Variants in LTBP1 observed in about 807,000 individuals in gnomAD.
The protein encoded by LTBP1 is latent-transforming growth factor beta-binding protein 1.
A neutral mutation model predicts 207.6 loss-of-function variants in LTBP1; 129 were observed. The observed-to-expected ratio is 0.62, with a 90% CI of 0.54 to 0.72. The LOEUF (loss-of-function observed/expected upper bound fraction) is 0.72. LTBP1 is among the 30% of genes least tolerant of loss of function. The pLI is 0.00. For synonymous variants in LTBP1, 963 were observed against 833.7 expected (o/e 1.16, Z -2.67); for missense variants, 2,281 against 2,217.2 (o/e 1.03, Z -0.58).
intron 5 of LTBP1, among the ~76,000 whole-genome samples, chr2:33,153,113 A>G (rs1020698610): frequency 6.6e-6 from 1 of 152,140 alleles, no homozygotes; most frequent in African/African-American, 2.4e-5. Flanking sequence ...CTCTGAAAAT[A>G]TTTACTGTGC....
chr2:33,135,551 T>C (rs1003592446), intron 5 of LTBP1, among the ~76,000 whole-genome samples: 1 of 148,686 alleles, frequency 6.7e-6, no homozygotes, highest in African/African-American at 2.4e-5. Flanking sequence ...GACTGGTAGA[T>C]TACTCTCAGT....
At chr2:33,291,318 T>C (rs1196934978) in intron 19 of LTBP1, among the ~76,000 whole-genome samples, 2 of 152,256 alleles carry the variant, frequency 1.3e-5, no homozygotes, top group African/African-American at 4.8e-5. Context: ...TTTGCTGTTA[T>C]ATTCTACAGC....
intron 2 of LTBP1, among the ~76,000 whole-genome samples, chr2:32,970,412 C>A (rs1319400191): frequency 6.6e-6 from 1 of 152,102 alleles, no homozygotes; most frequent in Non-Finnish European, 1.5e-5. Context: ...AGTATTTAGT[C>A]CATCTTAAGT....
At chr2:33,174,471 G>T (rs1572979656) in intron 5 of LTBP1, among the ~76,000 whole-genome samples, 1 of 152,044 alleles carries the variant, frequency 6.6e-6, no homozygotes, top group Non-Finnish European at 1.5e-5. Flanking sequence ...ACCTCTTCAA[G>T]GAGAACTACA....
intron 7 of LTBP1, among the ~76,000 whole-genome samples, chr2:33,189,714 T>A (rs1278903289): frequency 6.6e-6 from 1 of 152,244 alleles, no homozygotes; most frequent in African/African-American, 2.4e-5. Context: ...TAATATTTCA[T>A]GTTATCTTTT....
intron 9 of LTBP1, 87 bp downstream of exon 9, chr2:33,222,238 C>T (rs774767791): frequency 4.9e-5 from 45 of 919,746 alleles, no homozygotes; most frequent in East Asian, 4.4e-4. Context: ...CTTGCTCATT[C>T]GCCCAGCCTG....
At chr2:33,053,158 A>G (rs1281990076) in intron 3 of LTBP1, among the ~76,000 whole-genome samples, 1 of 152,202 alleles carries the variant, frequency 6.6e-6, no homozygotes, top group Non-Finnish European at 1.5e-5. Context: ...GGCGTAAGCC[A>G]CCGCGCCTGG....
chr2:33,055,850 G>T lies in LTBP1; in HGVS notation c.863+34644G>T, dbSNP rs185479338. On this transcript the variant is annotated intron_variant, in intron 3 of 33. Coordinates refer to ENST00000404816, the MANE Select transcript of LTBP1 (RefSeq NM_206943.4). Reference sequence around the variant, plus strand: ...AGGGGACATAACCCATAGCCCGTGGGTTTTTGTGGTCCTTTGGAGATTTCT... The same window carrying T: ...AGGGGACATAACCCATAGCCCGTGGTTTTTTGTGGTCCTTTGGAGATTTCT... Among the ~76,000 whole-genome samples, 371 of 152,314 alleles carry T rather than the reference G, an allele frequency of 2.4e-3. 2 individuals carry two copies. Among genetic ancestry groups the T allele is most frequent in the African/African-American group, 8.4e-3 (351 of 41,552 alleles).
intron 31 of LTBP1, among the ~76,000 whole-genome samples, chr2:33,367,100 G>T (rs28414403): frequency 0.15 from 22,351 of 151,818 alleles, 2,035 homozygotes; most frequent in African/African-American, 0.26. Flanking sequence ...ATTATATATT[G>T]ATATTAGTTA....
At chr2:33,115,383 G>A (rs1182771373) in intron 4 of LTBP1, among the ~76,000 whole-genome samples, 5 of 152,114 alleles carry the variant, frequency 3.3e-5, no homozygotes, top group Non-Finnish European at 7.4e-5. Flanking sequence ...TAGGTAAGAG[G>A]TTTCTTTTGG....
At chr2:33,181,008 C>T (rs1444964266) in intron 5 of LTBP1, among the ~76,000 whole-genome samples, 1 of 152,072 alleles carries the variant, frequency 6.6e-6, no homozygotes. Context: ...GTCTGTTCTG[C>T]AAAAGGACAG....
chr2:33,238,298 C>T (rs1329416670), intron 9 of LTBP1, among the ~76,000 whole-genome samples: 1 of 152,194 alleles, frequency 6.6e-6, no homozygotes, highest in South Asian at 2.1e-4. Context: ...GGACATGCCT[C>T]ATTTCCTGTA....
intron 24 of LTBP1, among the ~76,000 whole-genome samples, chr2:33,338,024 T>C (rs2094572873): frequency 6.6e-6 from 1 of 152,254 alleles, no homozygotes; most frequent in Non-Finnish European, 1.5e-5. Flanking sequence ...AATGAAATAA[T>C]GTTTTTTCTT....
intron 2 of LTBP1, among the ~76,000 whole-genome samples, chr2:32,991,310 C>T (rs1684377763): frequency 6.6e-6 from 1 of 152,216 alleles, no homozygotes; most frequent in Non-Finnish European, 1.5e-5. Context: ...TGGCTCATTA[C>T]ACACTATTGT....
chr2:32,983,706 C>T (rs1479145901), intron 2 of LTBP1, among the ~76,000 whole-genome samples: 1 of 152,154 alleles, frequency 6.6e-6, no homozygotes, highest in Non-Finnish European at 1.5e-5. Flanking sequence ...AGGGCAGTTC[C>T]CCTGCACACA....
intron 2 of LTBP1, among the ~76,000 whole-genome samples, chr2:33,010,558 G>A (rs1049136222): frequency 6.6e-6 from 1 of 152,076 alleles, no homozygotes; most frequent in Non-Finnish European, 1.5e-5. Context: ...TAAATATTCG[G>A]GGTGATGGAT....
chr2:33,372,217 G>A (rs527939322), intron 31 of LTBP1, among the ~76,000 whole-genome samples: 110 of 152,240 alleles, frequency 7.2e-4, no homozygotes, highest in Admixed American at 1.3e-3. Context: ...CAGAATCTAC[G>A]TTCTAACCTC....
chr2:33,279,956 T>C, intron 18 of LTBP1, 83 bp from the exon 19 acceptor site: 1 of 1,461,012 alleles, frequency 6.8e-7, no homozygotes. Flanking sequence ...TAACATGCTT[T>C]CCCCCGCTGC....
intron 9 of LTBP1, among the ~76,000 whole-genome samples, chr2:33,237,326 T>G (rs1188722033): frequency 6.6e-6 from 1 of 152,216 alleles, no homozygotes; most frequent in African/African-American, 2.4e-5. Flanking sequence ...TCAAACATAT[T>G]TGGCTGCAGA....
Sources: gnomAD v4.1 joint callset for allele counts (sites outside exome capture counted in the v4.1 genomes callset) on GRCh38, gnomAD v4.1.1 for gene constraint, MANE v1.5 for transcripts, NCBI Gene and HGNC (gene_info 2026-07-23, HGNC 2026-07-21) for gene names.